The following C8orf34 variants were observed in gnomAD, a reference collection of about 807,000 sequenced individuals.
C8orf34 encodes the protein uncharacterized protein C8orf34.
Under a neutral mutation model 68.3 loss-of-function variants are expected in C8orf34, and 65 were observed. The observed-to-expected ratio is 0.95, with a 90% CI of 0.78 to 1.17. The LOEUF is 1.17. C8orf34 is among the 50% of genes most tolerant of loss of function. The probability of loss-of-function intolerance (pLI) is 0.00; values close to 1 mark genes in which losing one functional copy is unlikely to be tolerated. For missense variants in C8orf34, 664 were observed against 655.4 expected, an observed-to-expected ratio of 1.01 and a Z score of -0.14; for synonymous variants, 244 against 241.2, an observed-to-expected ratio of 1.01 and a Z score of -0.11.
chr8:68,586,015 C>G lies in C8orf34; in HGVS notation c.1105+52866C>G, dbSNP rs551868951. On this transcript the variant is annotated intron_variant, in intron 7 of 13. Coordinates refer to ENST00000518698, the MANE Select transcript of C8orf34 (RefSeq NM_052958.4). ...CCAAGATGGGGACCTTTGGGACCATCTTGGAGGCTGGTTACCACCTATTAA... is the reference window on the plus strand; with the variant it reads ...CCAAGATGGGGACCTTTGGGACCATGTTGGAGGCTGGTTACCACCTATTAA... Among the ~76,000 whole-genome samples, 623 of 152,102 alleles carry G rather than the reference C, an allele frequency of 4.1e-3. 5 individuals carry two copies. The highest frequency in any genetic ancestry group is 0.014 in the African/African-American group (593 of 41,504).
intron 12 of C8orf34, among the ~76,000 whole-genome samples, chr8:68,797,417 T>A (rs764640226): frequency 6.6e-6 from 1 of 152,008 alleles, no homozygotes; most frequent in African/African-American, 2.4e-5. Flanking sequence ...ACTCATGACT[T>A]CCCCTCTCAT....
intron 12 of C8orf34, among the ~76,000 whole-genome samples, chr8:68,796,654 A>T (rs1205844876): frequency 6.6e-6 from 1 of 152,196 alleles, no homozygotes; most frequent in Admixed American, 6.5e-5. Context: ...AAATATAATA[A>T]GCATCCTGGT....
intron 7 of C8orf34, among the ~76,000 whole-genome samples, chr8:68,560,619 C>T (rs1816393870): frequency 6.6e-6 from 1 of 152,182 alleles, no homozygotes; most frequent in African/African-American, 2.4e-5. Context: ...ACCTGTACAA[C>T]ATGTTATTCT....
intron 5 of C8orf34, among the ~76,000 whole-genome samples, chr8:68,504,909 C>T (rs1425442402): frequency 6.6e-6 from 1 of 151,918 alleles, no homozygotes; most frequent in Non-Finnish European, 1.5e-5. Context: ...AAACTCCTGA[C>T]CTCAGGTGAT....
chr8:68,795,078 G>A (rs1313516672), intron 12 of C8orf34, among the ~76,000 whole-genome samples: 8 of 152,086 alleles, frequency 5.3e-5, no homozygotes, highest in Non-Finnish European at 8.8e-5. Flanking sequence ...CATTATGACT[G>A]TTAAAATCTG....
At chr8:68,441,902 A>G (rs1015386852) in intron 2 of C8orf34, among the ~76,000 whole-genome samples, 1 of 152,202 alleles carries the variant, frequency 6.6e-6, no homozygotes, top group Admixed American at 6.5e-5. Context: ...CAGTTCTCTT[A>G]GTACCTATTG....
At chr8:68,478,600 T>C (rs1368614914) in intron 4 of C8orf34, among the ~76,000 whole-genome samples, 1 of 152,214 alleles carries the variant, frequency 6.6e-6, no homozygotes, top group African/African-American at 2.4e-5. Context: ...TGCCTGAGAC[T>C]GGGTAATTTA....
chr8:68,808,776 T>C (rs979254730), intron 12 of C8orf34, among the ~76,000 whole-genome samples: 10 of 152,272 alleles, frequency 6.6e-5, no homozygotes, highest in Middle Eastern at 6.8e-3. Flanking sequence ...GCAGGGGTCT[T>C]GGAACCCATA....
intron 2 of C8orf34, among the ~76,000 whole-genome samples, chr8:68,442,221 G>T (rs1009089098): frequency 6.6e-6 from 1 of 151,956 alleles, no homozygotes; most frequent in African/African-American, 2.4e-5. Context: ...TGAAGTAAGG[G>T]CACCAATTAT....
intron 7 of C8orf34, among the ~76,000 whole-genome samples, chr8:68,560,556 G>T (rs1415790486): frequency 6.6e-6 from 1 of 152,082 alleles, no homozygotes; most frequent in Non-Finnish European, 1.5e-5. Flanking sequence ...GAACCTAGAC[G>T]GTACAGCCTA....
At chr8:68,613,804 C>G (rs1468000790) in intron 7 of C8orf34, among the ~76,000 whole-genome samples, 5 of 152,012 alleles carry the variant, frequency 3.3e-5, no homozygotes, top group African/African-American at 1.2e-4. Flanking sequence ...GGTATATACC[C>G]AGTAATGGAA....
intron 10 of C8orf34, among the ~76,000 whole-genome samples, chr8:68,740,737 G>C (rs1207671110): frequency 6.6e-6 from 1 of 152,138 alleles, no homozygotes; most frequent in African/African-American, 2.4e-5. Flanking sequence ...CCATTACTGG[G>C]TATATTCTCA....
chr8:68,481,090 G>A (rs2129631058), intron 4 of C8orf34, among the ~76,000 whole-genome samples: 1 of 152,256 alleles, frequency 6.6e-6, no homozygotes, highest in South Asian at 2.1e-4. Context: ...TAATTTCATG[G>A]GCCAGGTCCA....
chr8:68,735,378 T>C (rs1015728109), intron 10 of C8orf34, among the ~76,000 whole-genome samples: 1 of 152,236 alleles, frequency 6.6e-6, no homozygotes, highest in Non-Finnish European at 1.5e-5. Context: ...TATTTTCTTA[T>C]GGAGCATTAA....
intron 1 of C8orf34, among the ~76,000 whole-genome samples, chr8:68,389,508 T>C (rs537106399): frequency 6.6e-6 from 1 of 152,304 alleles, no homozygotes; most frequent in Admixed American, 6.5e-5. Flanking sequence ...TGATTACTTA[T>C]GGGCACATTT....
intron 8 of C8orf34, among the ~76,000 whole-genome samples, chr8:68,680,230 A>G (rs1007733159): frequency 1.3e-5 from 2 of 152,202 alleles, no homozygotes; most frequent in South Asian, 2.1e-4. Context: ...TCTATAGGAA[A>G]AAAATCTAAT....
rs779958621 is a variant in C8orf34 at position 68,521,965 on chromosome 8, C to T, written c.932C>T (p.Ala311Val). 1.2e-6 allele frequency: 2 copies of T among 1,613,370 alleles called. No homozygotes were observed. Among genetic ancestry groups the T allele is most frequent in the South Asian group, 1.1e-5 (1 of 91,002 alleles). ...WESEDSGSSP[A>V]GSLKMEPKNK... ...AGTGAAGATAGTGGCTCTAGTCCTG[C>T]AGGAAGGTGAGATGAGCTGTCTGCT... The change falls in exon 6 of 14, where the codon GCA becomes GTA. Residue 311 changes from alanine (A) to valine (V), a missense_variant. Physicochemically the swap from Ala to Val is moderately conservative, Grantham distance 64 (BLOSUM62 0). Transcript: ENST00000518698.
At chr8:68,740,137 A>C (rs757715989) in intron 10 of C8orf34, among the ~76,000 whole-genome samples, 2 of 152,214 alleles carry the variant, frequency 1.3e-5, no homozygotes. Context: ...GTGACACTCA[A>C]AATTATAAAA....
chr8:68,576,990 A>G (rs1004765503), intron 7 of C8orf34, among the ~76,000 whole-genome samples: 2 of 152,034 alleles, frequency 1.3e-5, no homozygotes, highest in African/African-American at 4.8e-5. Flanking sequence ...TAATATTTGT[A>G]AATATTGGAA....
Sources: gnomAD v4.1 joint callset for allele counts (sites outside exome capture counted in the v4.1 genomes callset) on GRCh38, gnomAD v4.1.1 for gene constraint, MANE v1.5 for transcripts, NCBI Gene and HGNC (gene_info 2026-07-23, HGNC 2026-07-21) for gene names.